The following PCDHGA3 variants were observed in gnomAD, a reference collection of about 807,000 sequenced individuals.
The protein encoded by PCDHGA3 is protocadherin gamma subfamily A, 3, also known as protocadherin gamma-A3.
Under a neutral mutation model 58.5 loss-of-function variants are expected in PCDHGA3, and 40 were observed. The ratio of observed to expected loss-of-function variants is 0.68; its 90% CI spans 0.53 to 0.89. PCDHGA3 has a LOEUF of 0.89. PCDHGA3 is among the 40% of genes least tolerant of loss of function. The pLI is 0.00. For missense variants in PCDHGA3, 1,223 were observed against 1,195.9 expected (o/e 1.02, Z -0.33); for synonymous variants, 530 against 525.7 (o/e 1.01, Z -0.11).
chr5:141,408,824 C>T, intron 1 of PCDHGA3: 1 of 1,613,560 alleles, frequency 6.2e-7, no homozygotes, highest in South Asian at 1.1e-5. Context: ...ACAGAGATCT[C>T]ATAGCTTGAT....
intron 1 of PCDHGA3, among the ~76,000 whole-genome samples, chr5:141,473,583 A>G (rs905824343): frequency 6.6e-6 from 1 of 152,226 alleles, no homozygotes; most frequent in Non-Finnish European, 1.5e-5. Flanking sequence ...CTAAGACCAG[A>G]CAGACCTGTA....
chr5:141,372,084 T>C (rs1169556358), intron 1 of PCDHGA3: 1 of 1,613,714 alleles, frequency 6.2e-7, no homozygotes, highest in South Asian at 1.1e-5. Flanking sequence ...GCTGGTGCTG[T>C]ACCCAGCTCT....
chr5:141,498,002 C>T (rs1442305270), intron 2 of PCDHGA3, among the ~76,000 whole-genome samples: 2 of 152,178 alleles, frequency 1.3e-5, no homozygotes, highest in East Asian at 1.9e-4. Flanking sequence ...AAGGAGTTTA[C>T]AGTGCACTGA....
At chr5:141,390,047 C>T in intron 1 of PCDHGA3, 1 of 1,614,074 alleles carries the variant, frequency 6.2e-7, no homozygotes, top group Non-Finnish European at 8.5e-7. Flanking sequence ...GCCCCGCCTC[C>T]TGGAGCTGCT....
At chr5:141,464,838 A>G (rs2099091245) in intron 1 of PCDHGA3, among the ~76,000 whole-genome samples, 1 of 152,182 alleles carries the variant, frequency 6.6e-6, no homozygotes, top group African/African-American at 2.4e-5. Context: ...TCCTGGGCTC[A>G]AGCAATCCTC....
chr5:141,466,510 A>AT (rs1222513096), intron 1 of PCDHGA3, among the ~76,000 whole-genome samples: 1 of 151,938 alleles, frequency 6.6e-6, no homozygotes, highest in African/African-American at 2.4e-5. Context: ...AGACAAGATC[A>AT]TTTTTTTTCC....
rs188916402 is a variant in PCDHGA3, at chr5:141,473,975, G to A, written c.2425-20832G>A. 4.6e-5 allele frequency among the ~76,000 whole-genome samples: 7 copies of A among 152,222 alleles called. No homozygotes were observed. The East Asian group carries it at 7.7e-4, about 17-fold the overall frequency. ...TCCCATCTACTTAGAAGTCTGAGGCGGGAGGATCCCTTGAGCCCAAGGAGC... is the reference window on the plus strand; with the variant it reads ...TCCCATCTACTTAGAAGTCTGAGGCAGGAGGATCCCTTGAGCCCAAGGAGC... On this transcript the variant is annotated intron_variant, in intron 1 of 3. Transcript: ENST00000253812.
intron 1 of PCDHGA3, chr5:141,355,288 C>A (rs73265823): frequency 6.2e-7 from 1 of 1,613,718 alleles, no homozygotes; most frequent in African/African-American, 1.3e-5. Flanking sequence ...CAGGGCCGAA[C>A]AGATTCTCTA....
intron 1 of PCDHGA3, chr5:141,374,501 G>T (rs746410507): frequency 8.1e-6 from 13 of 1,611,510 alleles, no homozygotes; most frequent in Non-Finnish European, 1.0e-5. Context: ...AGAATTGGAA[G>T]TGAAAATTCT....
chr5:141,395,518 C>T (rs1046650715), intron 1 of PCDHGA3: 2 of 412,004 alleles, frequency 4.9e-6, no homozygotes, highest in Admixed American at 4.2e-5. Context: ...AGCTACCCGT[C>T]CATACTGGTA....
intron 1 of PCDHGA3, among the ~76,000 whole-genome samples, chr5:141,368,076 A>G (rs1765474511): frequency 6.6e-6 from 1 of 152,210 alleles, no homozygotes; most frequent in South Asian, 2.1e-4. Flanking sequence ...TCCCTTCTGC[A>G]TCTGATTTGC....
chr5:141,375,005 G>T, intron 1 of PCDHGA3: 2 of 1,614,010 alleles, frequency 1.2e-6, no homozygotes, highest in Non-Finnish European at 1.7e-6. Flanking sequence ...TGCAAATCTA[G>T]ACTATGAGGA....
intron 1 of PCDHGA3, chr5:141,355,436 C>G: frequency 1.2e-6 from 2 of 1,614,090 alleles, no homozygotes; most frequent in Non-Finnish European, 1.7e-6. Context: ...GCCCTGAACC[C>G]GCGCAGCGGC....
chr5:141,489,101 T>G lies in PCDHGA3; in HGVS notation c.2425-5706T>G. 1 of 398,408 alleles carries G rather than the reference T, an allele frequency of 2.5e-6. No homozygotes were observed. Among genetic ancestry groups the G allele is most frequent in the Non-Finnish European group, 4.5e-6 (1 of 223,328 alleles). The allele number at this position is 398,408 out of a possible 1,614,324, so 24.7% of individuals were successfully genotyped here. On this transcript the variant is annotated intron_variant, in intron 1 of 3. Transcript: ENST00000253812. The surrounding 1 kb of genome is among the most constrained non-coding windows in gnomAD (Gnocchi z 4.5). Reference sequence around the variant, plus strand: ...CCGCCACTCGGTGACTAAGAACTGCTGCAAGCAGGCAAACCTCCGAGCAGT... The same window carrying G: ...CCGCCACTCGGTGACTAAGAACTGCGGCAAGCAGGCAAACCTCCGAGCAGT...
Position 141,491,880 on chromosome 5 carries a change from G to C in PCDHGA3, c.2425-2927G>C. ...GCGAAACCAGAGTGGCCGATTAAGG[G>C]ATGGGGCTCCGAGCACCGGGGGTGG... On this transcript the variant is annotated intron_variant, in intron 1 of 3. Transcript: ENST00000253812. This position sits in a 1 kb window ranked among gnomAD's most constrained non-coding sequence, Gnocchi z 6.9. 1 of 1,449,834 alleles carries C rather than the reference G, an allele frequency of 6.9e-7. No individual in the cohort carries two copies. 89.8% of individuals were successfully genotyped at this position (1,449,834 alleles called of 1,614,324 possible).
intron 1 of PCDHGA3, among the ~76,000 whole-genome samples, chr5:141,442,843 G>C (rs1264073611): frequency 2.0e-5 from 3 of 152,134 alleles, no homozygotes; most frequent in African/African-American, 7.2e-5. Flanking sequence ...GACAAATCTT[G>C]GCCATTGTAG....
intron 1 of PCDHGA3, chr5:141,370,643 C>T (rs1767087825): frequency 6.2e-7 from 1 of 1,613,934 alleles, no homozygotes; most frequent in African/African-American, 1.3e-5. Flanking sequence ...AAAATGGGAA[C>T]TTACTTGTGA....
intron 1 of PCDHGA3, among the ~76,000 whole-genome samples, chr5:141,437,623 T>G (rs887878119): frequency 3.3e-5 from 5 of 152,172 alleles, no homozygotes; most frequent in Non-Finnish European, 7.4e-5. Context: ...TATCCCCATA[T>G]AAGATGTCAG....
chr5:141,442,149 T>C, intron 1 of PCDHGA3: 1 of 159,274 alleles, frequency 6.3e-6, no homozygotes, highest in Non-Finnish European at 1.4e-5. Flanking sequence ...CTGCCAGACC[T>C]CAGCGATCAC....
Sources: allele counts gnomAD v4.1 joint callset (sites outside exome capture counted in the v4.1 genomes callset), GRCh38; gene constraint gnomAD v4.1.1; non-coding constraint Gnocchi (gnomAD v3.1); transcripts MANE v1.5; gene names NCBI Gene and HGNC (gene_info 2026-07-23, HGNC 2026-07-21).